Variants in FOXP1 observed in about 807,000 individuals in gnomAD.
FOXP1 encodes the protein forkhead box protein P1.
Under a neutral mutation model 98.2 loss-of-function variants are expected in FOXP1, and 15 were observed. The ratio of observed to expected loss-of-function variants is 0.15; its 90% CI spans 0.10 to 0.24. The LOEUF is 0.24. Among genes scored for constraint, FOXP1 ranks in the 10% least tolerant of loss-of-function variants. The pLI is 1.00. For synonymous variants in FOXP1, 371 were observed against 314.5 expected, an observed-to-expected ratio of 1.18 and a Z score of -1.90; for missense variants, 633 against 848.5, an observed-to-expected ratio of 0.75 and a Z score of 3.15.
intron 6 of FOXP1, among the ~76,000 whole-genome samples, chr3:71,173,246 C>T (rs1428656638): frequency 6.6e-6 from 1 of 151,944 alleles, no homozygotes; most frequent in Non-Finnish European, 1.5e-5. Flanking sequence ...AATAATCAGC[C>T]AGTAAGATAT....
chr3:71,000,265 T>C (rs1008415230), intron 13 of FOXP1, among the ~76,000 whole-genome samples: 48 of 151,314 alleles, frequency 3.2e-4, no homozygotes, highest in Non-Finnish European at 2.9e-5. Flanking sequence ...ATAAAGCACA[T>C]TCAACATAGC....
chr3:71,372,158 A>G (rs1238582346), intron 3 of FOXP1, among the ~76,000 whole-genome samples: 1 of 148,846 alleles, frequency 6.7e-6, no homozygotes. Flanking sequence ...GATTACAAGC[A>G]TGCACCACCA....
At chr3:71,379,205 GAAC>G (rs2079957443) in intron 3 of FOXP1, among the ~76,000 whole-genome samples, 1 of 151,986 alleles carries the variant, frequency 6.6e-6, no homozygotes, top group Non-Finnish European at 1.5e-5. Flanking sequence ...ATGGTTGGGA[GAAC>G]AACTGGGTAG....
chr3:71,491,798 T>C (rs1263702242), intron 3 of FOXP1, among the ~76,000 whole-genome samples: 1 of 152,226 alleles, frequency 6.6e-6, no homozygotes, highest in African/African-American at 2.4e-5. Flanking sequence ...CTAAAGTATT[T>C]TTTAATGTAT....
intron 3 of FOXP1, among the ~76,000 whole-genome samples, chr3:71,392,667 T>C (rs1363096490): frequency 2.6e-5 from 4 of 152,248 alleles, no homozygotes; most frequent in Non-Finnish European, 5.9e-5. Context: ...TGGGCATCTA[T>C]ATCGTGCTCT....
In FOXP1 at chr3:70,970,722, G is replaced by T; in HGVS notation, c.1722+14C>A. Reference sequence around the variant, plus strand: ...GTGCCTCTGCTGCATATTCGGGACGGCCGTTAATCTTACCTGTAAAGCTGC... The same window carrying T: ...GTGCCTCTGCTGCATATTCGGGACGTCCGTTAATCTTACCTGTAAAGCTGC... On this transcript the variant is annotated intron_variant, in intron 19 of 20. Coordinates refer to ENST00000649528, the MANE Select transcript of FOXP1 (RefSeq NM_001349338.3). 1 of 1,606,988 alleles carries T rather than the reference G, an allele frequency of 6.2e-7. No homozygotes were observed. Among genetic ancestry groups the T allele is most frequent in the Non-Finnish European group, 8.5e-7 (1 of 1,173,490 alleles).
chr3:71,580,633 T>C (rs2048090880), intron 2 of FOXP1, among the ~76,000 whole-genome samples: 1 of 151,640 alleles, frequency 6.6e-6, no homozygotes, highest in Non-Finnish European at 1.5e-5. Flanking sequence ...AATTCTAGTT[T>C]ACACATCTCC....
At chr3:71,242,701 A>G (rs2067386389) in intron 5 of FOXP1, among the ~76,000 whole-genome samples, 1 of 152,040 alleles carries the variant, frequency 6.6e-6, no homozygotes, top group Non-Finnish European at 1.5e-5. Flanking sequence ...CTCTGAGACA[A>G]CTGTGAGGGT....
intron 3 of FOXP1, among the ~76,000 whole-genome samples, chr3:71,476,875 A>C (rs1242300900): frequency 6.6e-6 from 1 of 152,128 alleles, no homozygotes; most frequent in East Asian, 1.9e-4. Context: ...TTTGCAGCTT[A>C]ATAATAACTG....
intron 6 of FOXP1, among the ~76,000 whole-genome samples, chr3:71,171,235 C>G (rs2061638754): frequency 6.6e-6 from 1 of 151,952 alleles, no homozygotes; most frequent in African/African-American, 2.4e-5. Flanking sequence ...GTTAAATATG[C>G]AATTACCGCT....
intron 5 of FOXP1, among the ~76,000 whole-genome samples, chr3:71,248,672 C>T (rs1411286003): frequency 6.6e-6 from 1 of 150,450 alleles, no homozygotes; most frequent in Non-Finnish European, 1.5e-5. Context: ...ACCTGGCAGG[C>T]GGAGCTTGCA....
At chr3:71,103,846 A>G (rs2057193574) in intron 7 of FOXP1, among the ~76,000 whole-genome samples, 1 of 152,140 alleles carries the variant, frequency 6.6e-6, no homozygotes, top group South Asian at 2.1e-4. Flanking sequence ...ACACTGTGAG[A>G]CTCATATGGA....
intron 6 of FOXP1, among the ~76,000 whole-genome samples, chr3:71,174,819 C>CACACACACAT (rs1553767982): frequency 6.0e-5 from 9 of 151,184 alleles, no homozygotes; most frequent in African/African-American, 2.2e-4. Context: ...CACACACACA[C>CACACACACAT]ACACACACCC....
Position 71,041,335 on chromosome 3 carries a change from T to C in FOXP1, c.862A>G (p.Arg288Gly), listed in dbSNP as rs1248474859. 6.2e-7 allele frequency: 1 copy of C among 1,613,274 alleles called. No homozygotes were observed. ...NGQLSVHTPK[R>G]ESLSHEEHPH... is the part of the protein sequence containing the mutation. ...TCAGTGGCTGGTTCCTACCTTTCCC[T>C]TTTGGGAGTGTGGACTGAGAGCTGT... is the stretch of plus-strand genomic sequence containing the variant. The change falls in exon 11 of 21, where the codon AGG becomes GGG. Residue 288 changes from arginine (R) to glycine (G), a missense_variant. By Grantham distance (125) the Arg-to-Gly change is moderately radical. Transcript: ENST00000649528.
intron 3 of FOXP1, among the ~76,000 whole-genome samples, chr3:71,478,629 C>T (rs920499705): frequency 4.6e-5 from 7 of 152,304 alleles, no homozygotes; most frequent in Admixed American, 1.3e-4. Context: ...GCCCTCCATG[C>T]GCCATGGGAG....
In FOXP1 at chr3:70,970,794, A is replaced by C; in HGVS notation, c.1664T>G (p.Leu555Arg). 1.2e-6 allele frequency: 2 copies of C among 1,613,072 alleles called. No homozygotes were observed. The highest frequency in any genetic ancestry group is 1.7e-6 in the Non-Finnish European group (2 of 1,179,026). The change falls in exon 19 of 21, where the codon CTT becomes CGT. Residue 555 changes from leucine (L) to arginine (R), a missense_variant. Physicochemically the swap from Leu to Arg is moderately radical, Grantham distance 102. Coordinates refer to ENST00000649528, the MANE Select transcript of FOXP1 (RefSeq NM_001349338.3). ...GTGGCTGCTCTGCATGTTTTTAATAAGGGAAGGGTTACTGTGTAAGAAAAA... is the reference window on the plus strand; with the variant it reads ...GTGGCTGCTCTGCATGTTTTTAATACGGGAAGGGTTACTGTGTAAGAAAAA... The part of the protein sequence containing the change: ...RPQKISGNPS[L>R]IKNMQSSHAY...
intron 7 of FOXP1, among the ~76,000 whole-genome samples, chr3:71,107,356 T>C (rs2057525129): frequency 2.0e-5 from 3 of 152,312 alleles, no homozygotes; most frequent in Admixed American, 1.3e-4. Flanking sequence ...TCTGTGTTCA[T>C]GTGCGTTTTT....
intron 5 of FOXP1, among the ~76,000 whole-genome samples, chr3:71,214,761 A>G (rs2064790672): frequency 6.6e-6 from 1 of 152,190 alleles, no homozygotes; most frequent in Non-Finnish European, 1.5e-5. Flanking sequence ...GGAGCGGGGG[A>G]GAGAGGATCA....
At chr3:71,271,920 G>A (rs2070395067) in intron 5 of FOXP1, among the ~76,000 whole-genome samples, 1 of 152,174 alleles carries the variant, frequency 6.6e-6, no homozygotes, top group Non-Finnish European at 1.5e-5. Context: ...CTGCCTCTAG[G>A]ACAAGACCTA....
Sources: allele counts gnomAD v4.1 joint callset (sites outside exome capture counted in the v4.1 genomes callset), GRCh38; gene constraint gnomAD v4.1.1; transcripts MANE v1.5; gene names NCBI Gene and HGNC (gene_info 2026-07-23, HGNC 2026-07-21).